Variants in PCDHA2 observed in about 807,000 individuals in gnomAD.
PCDHA2 encodes the protein protocadherin alpha-2.
In PCDHA2, 58 loss-of-function variants were observed where a neutral mutation model predicts 66.0. The ratio of observed to expected loss-of-function variants is 0.88; its 90% confidence interval spans 0.71 to 1.09. The LOEUF (loss-of-function observed/expected upper bound fraction) is 1.09, where lower values mean the gene tolerates loss of function less well. Among genes scored for constraint, PCDHA2 ranks in the 50% least tolerant of loss-of-function variants. PCDHA2 has a pLI of 0.00. For synonymous variants in PCDHA2, 634 were observed against 554.0 expected, an observed-to-expected ratio of 1.14 and a Z score of -2.03; for missense variants, 1,267 against 1,242.3, an observed-to-expected ratio of 1.02 and a Z score of -0.30.
In PCDHA2 at chr5:140,803,432, G is replaced by A. The variant is rs1184973777; in HGVS notation, c.2388+6080G>A. 4 of 1,614,074 alleles carry A rather than the reference G, an allele frequency of 2.5e-6. No homozygotes were observed. The African/African-American group carries it at 5.3e-5, about 22-fold the overall frequency. On this transcript the variant is annotated intron_variant, in intron 1 of 3. Transcript: ENST00000526136. ...CCACGCTGGTGTGCTCCAGCGCGGT[G>A]GGGAGCTGGTCATACTCGCAGCAGA...
intron 1 of PCDHA2, chr5:140,823,865 T>A (rs1554129638): frequency 1.2e-6 from 2 of 1,613,806 alleles, no homozygotes; most frequent in East Asian, 4.5e-5. Flanking sequence ...GATGTCAACG[T>A]GTACCTGATC....
intron 1 of PCDHA2, among the ~76,000 whole-genome samples, chr5:140,959,991 G>A (rs2095520706): frequency 6.6e-6 from 1 of 152,168 alleles, no homozygotes; most frequent in South Asian, 2.1e-4. Flanking sequence ...GTTGGGATAT[G>A]AAATACAAAT....
intron 1 of PCDHA2, among the ~76,000 whole-genome samples, chr5:140,898,226 G>T (rs2066602879): frequency 6.6e-6 from 1 of 152,262 alleles, no homozygotes; most frequent in African/African-American, 2.4e-5. Flanking sequence ...GGCTTTTGTT[G>T]CCATTGCTTT....
intron 1 of PCDHA2, chr5:140,808,185 A>G: frequency 6.2e-7 from 1 of 1,614,236 alleles, no homozygotes; most frequent in Non-Finnish European, 8.5e-7. Context: ...CTTTCTGGCC[A>G]TTGTAGAGTT....
chr5:140,857,551 C>G (rs781926711), intron 1 of PCDHA2: 5 of 1,596,944 alleles, frequency 3.1e-6, no homozygotes. Flanking sequence ...TGGGCGAGCG[C>G]TCGCTGTCGA....
At chr5:141,005,018 T>C (rs2098193299) in intron 3 of PCDHA2, among the ~76,000 whole-genome samples, 1 of 152,250 alleles carries the variant, frequency 6.6e-6, no homozygotes, top group Non-Finnish European at 1.5e-5. Flanking sequence ...AGCTGCATTA[T>C]ATATAATTGC....
At position 140,869,590 on chromosome 5, in the gene PCDHA2, G is replaced by A. The variant is rs372301742; in HGVS notation, c.2388+72238G>A. 61 of 1,613,984 alleles carry A rather than the reference G, an allele frequency of 3.8e-5. No individual in the cohort carries two copies. The highest frequency in any genetic ancestry group is 4.9e-5 in the Non-Finnish European group (58 of 1,180,038). ...AGAGGGAGCTTCTGATGCTGACATT[G>A]AAGAGAATGCTCTATTGACCTACAG... On this transcript the variant is annotated intron_variant, in intron 1 of 3. Coordinates refer to ENST00000526136, the MANE Select transcript of PCDHA2 (RefSeq NM_018905.3).
chr5:140,808,602 G>GC (rs782337586), intron 1 of PCDHA2: 30 of 1,613,888 alleles, frequency 1.9e-5, no homozygotes, highest in Non-Finnish European at 2.3e-5. Flanking sequence ...CCGCCGGGCT[G>GC]CCACATCTTC....
intron 1 of PCDHA2, among the ~76,000 whole-genome samples, chr5:140,892,929 C>T (rs1259333006): frequency 2.6e-5 from 4 of 152,174 alleles, no homozygotes; most frequent in Non-Finnish European, 5.9e-5. Flanking sequence ...TTCCCAGCCT[C>T]TGATAAGCAC....
At chr5:140,871,653 C>A in intron 1 of PCDHA2, 1 of 1,244,246 alleles carries the variant, frequency 8.0e-7, no homozygotes, top group Non-Finnish European at 1.1e-6. Context: ...CCAAATGATA[C>A]ACATCTTCAG....
chr5:140,928,539 T>G, intron 1 of PCDHA2: 1 of 1,614,222 alleles, frequency 6.2e-7, no homozygotes. Context: ...TAGATAGGAA[T>G]GACAATTATC....
rs1377617778 is a variant in PCDHA2 at position 140,801,248 on chromosome 5, T to A, written c.2388+3896T>A. The A allele has an allele frequency of 5.0e-6, 8 of 1,613,458 alleles. No individual in the cohort carries two copies. The African/African-American group carries it at 1.1e-4, about 22-fold the overall frequency. On this transcript the variant is annotated intron_variant, in intron 1 of 3. Transcript: ENST00000526136. ...CTGGAGCCCAGTGCCTGCTGCTTTC[T>A]CTTCTGCTCCTCGCAGCCTCGGAGG...
At chr5:140,861,527 G>A (rs1554154863) in intron 1 of PCDHA2, 2 of 454,914 alleles carry the variant, frequency 4.4e-6, no homozygotes. Flanking sequence ...GGAGGATCTC[G>A]GAGTGCAGCA....
intron 3 of PCDHA2, among the ~76,000 whole-genome samples, chr5:141,005,648 G>A (rs1354125322): frequency 7.4e-6 from 1 of 135,988 alleles, no homozygotes; most frequent in Non-Finnish European, 1.5e-5. Flanking sequence ...CTTGCAGTGA[G>A]TCGAGATCGC....
chr5:140,891,591 A>T (rs782194139), intron 1 of PCDHA2, among the ~76,000 whole-genome samples: 1 of 152,092 alleles, frequency 6.6e-6, no homozygotes, highest in Non-Finnish European at 1.5e-5. Flanking sequence ...TTATTACTCT[A>T]TCCCATCTAT....
Position 140,797,162 on chromosome 5 carries a change from CG to C in PCDHA2, c.2199del (p.Pro734GlnfsTer61). On this transcript the variant is annotated frameshift_variant, in exon 1 of 4. Transcript: ENST00000526136. LOFTEE classifies it high-confidence loss of function. ...CSVPPTEGAR[A>X]PGKPTLVCSS... ...GTGCCACCCACCGAGGGTGCGCGCG[CG>C]CCAGGAAAGCCCACGCTGGTGTGCT... 1.2e-6 allele frequency: 2 copies of C among 1,614,014 alleles called. No individual in the cohort carries two copies. The highest frequency in any genetic ancestry group is 1.7e-6 in the Non-Finnish European group (2 of 1,179,998).
chr5:140,979,522 A>G (rs576025092), intron 2 of PCDHA2, among the ~76,000 whole-genome samples: 1 of 152,098 alleles, frequency 6.6e-6, no homozygotes, highest in South Asian at 2.1e-4. Context: ...ATCTGTTGCT[A>G]TCTTATTGTC....
At chr5:140,923,343 T>G (rs1251719779) in intron 1 of PCDHA2, among the ~76,000 whole-genome samples, 1 of 152,122 alleles carries the variant, frequency 6.6e-6, no homozygotes, top group African/African-American at 2.4e-5. Flanking sequence ...TTGGGCAACA[T>G]AGTGGGACCC....
intron 1 of PCDHA2, chr5:140,852,983 A>T (rs1409156147): frequency 3.0e-6 from 1 of 337,908 alleles, no homozygotes; most frequent in Non-Finnish European, 4.4e-6. Context: ...TGTTCACGCC[A>T]TTCTCCTGCC....
Sources: allele counts gnomAD v4.1 joint callset (sites outside exome capture counted in the v4.1 genomes callset), GRCh38; gene constraint gnomAD v4.1.1; transcripts MANE v1.5; gene names NCBI Gene and HGNC (gene_info 2026-07-23, HGNC 2026-07-21).